NARS2: variants seen among roughly 807,000 people sequenced by gnomAD.
NARS2 encodes the protein asparaginyl-tRNA synthetase 2, mitochondrial.
NARS2 carries 60 observed loss-of-function variants against 62.9 expected under a neutral mutation model. That is an observed-to-expected ratio of 0.95 (90% CI 0.77 to 1.18). The LOEUF is 1.18. NARS2 is among the 50% of genes most tolerant of loss of function. The pLI, the probability that NARS2 is intolerant of heterozygous loss-of-function variation, is 0.00. For missense variants in NARS2, 619 were observed against 576.4 expected (o/e 1.07, Z -0.76); for synonymous variants, 196 against 200.0 (o/e 0.98, Z 0.17).
chr11:78,539,202 A>G (rs1236890759), intron 5 of NARS2, among the ~76,000 whole-genome samples: 1 of 151,760 alleles, frequency 6.6e-6, no homozygotes, highest in South Asian at 2.1e-4. Flanking sequence ...TAATAAAGGG[A>G]TAAGAGTAGA....
In NARS2 at chr11:78,469,991, A is replaced by C. The variant is rs1591164373; in HGVS notation, c.960-678T>G. ...AGAAGTATCTTGGGAGGAGTATTCC[A>C]GGCAAAAGGAACAGCAAGTACAAGG... On this transcript the variant is annotated intron_variant, in intron 9 of 13. Coordinates refer to ENST00000281038, the MANE Select transcript of NARS2 (RefSeq NM_024678.6). Among the ~76,000 whole-genome samples, 2 of 152,306 alleles carry C rather than the reference A, an allele frequency of 1.3e-5. 1 individual carries two copies. The highest frequency in any genetic ancestry group is 4.1e-4 in the South Asian group (2 of 4,826).
intron 4 of NARS2, among the ~76,000 whole-genome samples, chr11:78,565,381 T>C (rs992464350): frequency 3.9e-5 from 6 of 152,012 alleles, no homozygotes; most frequent in Non-Finnish European, 5.9e-5. Flanking sequence ...CATGAAACAA[T>C]AGTTTTCAAG....
At chr11:78,509,868 T>C (rs1590795253) in intron 6 of NARS2, among the ~76,000 whole-genome samples, 1 of 148,646 alleles carries the variant, frequency 6.7e-6, no homozygotes, top group Admixed American at 6.7e-5. Context: ...GAAAAGAAAG[T>C]GAGAGTTTTT....
At chr11:78,515,862 T>C (rs1860891053) in intron 6 of NARS2, among the ~76,000 whole-genome samples, 1 of 152,212 alleles carries the variant, frequency 6.6e-6, no homozygotes, top group South Asian at 2.1e-4. Context: ...TTATGGTATG[T>C]GAATTATATC....
At chr11:78,506,213 G>A (rs888005804) in intron 6 of NARS2, among the ~76,000 whole-genome samples, 1 of 152,154 alleles carries the variant, frequency 6.6e-6, no homozygotes, top group African/African-American at 2.4e-5. Context: ...TGTCAAAGAC[G>A]TGGACCAACC....
intron 4 of NARS2, among the ~76,000 whole-genome samples, chr11:78,562,446 A>AT (rs1433533419): frequency 1.3e-5 from 2 of 152,124 alleles, no homozygotes; most frequent in Non-Finnish European, 2.9e-5. Flanking sequence ...ACAACAACAA[A>AT]AATACTTCAC....
Position 78,574,636 on chromosome 11 carries a change from T to C in NARS2, c.-148A>G, listed in dbSNP as rs1244229274. ...CAGAGCCCCTCGGCTGCGCGCTTTC[T>C]CCTTCAGGACTCCCAGCTCTGTCCC... On this transcript the variant is annotated 5_prime_UTR_variant, in exon 1 of 14. Transcript: ENST00000281038. The C allele has an allele frequency of 4.8e-6, 4 of 830,688 alleles. No individual in the cohort carries two copies. In the East Asian group the frequency reaches 1.1e-4, roughly 23 times the overall value. 51.5% of individuals were successfully genotyped at this position (830,688 alleles called of 1,614,324 possible).
intron 4 of NARS2, 106 bp downstream of exon 4, chr11:78,566,026 A>G: frequency 1.1e-6 from 1 of 934,000 alleles, no homozygotes; most frequent in Non-Finnish European, 1.6e-6. Context: ...ATCAAAACTA[A>G]CCCATAACTA....
chr11:78,563,446 G>A (rs1389459440), intron 4 of NARS2, among the ~76,000 whole-genome samples: 1 of 151,722 alleles, frequency 6.6e-6, no homozygotes, highest in African/African-American at 2.4e-5. Flanking sequence ...TCGATCTCTT[G>A]ACCTCGTGAT....
chr11:78,513,510 G>A (rs751311554), intron 6 of NARS2, among the ~76,000 whole-genome samples: 1 of 152,200 alleles, frequency 6.6e-6, no homozygotes, highest in Non-Finnish European at 1.5e-5. Context: ...GGGTGCGGTG[G>A]CTCATGCCTG....
intron 4 of NARS2, among the ~76,000 whole-genome samples, chr11:78,560,449 A>G (rs535203460): frequency 3.3e-5 from 5 of 152,360 alleles, no homozygotes; most frequent in South Asian, 4.1e-4. Flanking sequence ...GGTTACACAC[A>G]ATGTAGATGT....
chr11:78,565,167 G>C (rs1193849702), intron 4 of NARS2, among the ~76,000 whole-genome samples: 1 of 152,194 alleles, frequency 6.6e-6, no homozygotes, highest in Non-Finnish European at 1.5e-5. Flanking sequence ...GGCTTTCCCA[G>C]GTAGAGGGAA....
intron 6 of NARS2, among the ~76,000 whole-genome samples, chr11:78,504,546 CTTAT>C (rs749006375): frequency 1.3e-5 from 2 of 150,254 alleles, no homozygotes; most frequent in Non-Finnish European, 2.9e-5. Context: ...TGTGACTAAG[CTTAT>C]TTGTTATCAG....
rs182451792 is a variant in NARS2, at chr11:78,492,468, T to C, written c.822+595A>G. Among the ~76,000 whole-genome samples the C allele has an allele frequency of 3.9e-5, 6 of 152,246 alleles. No homozygotes were observed. The East Asian group carries it at 7.7e-4, about 20-fold the overall frequency. ...ATTTAGAACTCTTGCTCCTTAAATT[T>C]TGGGTAAAGTTCAAACTCCTTACTA... On this transcript the variant is annotated intron_variant, in intron 7 of 13. Coordinates refer to ENST00000281038, the MANE Select transcript of NARS2 (RefSeq NM_024678.6).
In NARS2 at chr11:78,466,138, G is replaced by C; in HGVS notation, c.1027-125C>G. On this transcript the variant is annotated intron_variant, in intron 10 of 13. Transcript: ENST00000281038. The stretch of plus-strand genomic sequence containing the variant: ...TCCTGAGGCTCCATGTGTGGAGCTA[G>C]CTGCTAAGGTTACACAGCTGACTAA... 3 of 945,318 alleles carry C rather than the reference G, an allele frequency of 3.2e-6. No homozygotes were observed. The East Asian group carries it at 7.6e-5, about 24-fold the overall frequency. 58.6% of individuals were successfully genotyped at this position (945,318 alleles called of 1,614,324 possible). A position where few individuals can be genotyped will look rare whatever the true frequency, so the allele number is the denominator to read the frequency against.
At chr11:78,528,292 T>C (rs977354774) in intron 6 of NARS2, among the ~76,000 whole-genome samples, 2 of 152,148 alleles carry the variant, frequency 1.3e-5, no homozygotes, top group Admixed American at 1.3e-4. Flanking sequence ...GACAGGATTT[T>C]AAAGGTCTTC....
At chr11:78,518,098 T>C (rs1439381877) in intron 6 of NARS2, among the ~76,000 whole-genome samples, 2 of 152,156 alleles carry the variant, frequency 1.3e-5, no homozygotes, top group Non-Finnish European at 2.9e-5. Flanking sequence ...ATTGAAAATA[T>C]TTGGAAAAAA....
intron 13 of NARS2, among the ~76,000 whole-genome samples, chr11:78,438,713 C>A (rs565915132): frequency 6.6e-6 from 1 of 152,056 alleles, no homozygotes; most frequent in Admixed American, 6.5e-5. Flanking sequence ...AGAGATGCTA[C>A]GAAATTTGTG....
intron 6 of NARS2, among the ~76,000 whole-genome samples, chr11:78,502,861 G>A (rs985671364): frequency 4.6e-5 from 7 of 151,882 alleles, no homozygotes; most frequent in African/African-American, 1.7e-4. Context: ...AGGCGTGGTG[G>A]CATGCCACTG....
Sources: allele counts gnomAD v4.1 joint callset (sites outside exome capture counted in the v4.1 genomes callset), GRCh38; gene constraint gnomAD v4.1.1; transcripts MANE v1.5; gene names NCBI Gene and HGNC (gene_info 2026-07-23, HGNC 2026-07-21).